ADCYAP1R1: variants seen among roughly 807,000 people sequenced by gnomAD.
The protein encoded by ADCYAP1R1 is ADCYAP receptor type I.
ADCYAP1R1 carries 44 observed loss-of-function variants against 67.6 expected under a neutral mutation model. The ratio of observed to expected loss-of-function variants is 0.65; its 90% CI spans 0.51 to 0.84. ADCYAP1R1 has a LOEUF of 0.84. ADCYAP1R1 is among the 40% of genes least tolerant of loss of function. ADCYAP1R1 has a pLI of 0.00. For missense variants in ADCYAP1R1, 477 were observed against 587.9 expected (o/e 0.81, Z 1.95); for synonymous variants, 222 against 219.6 (o/e 1.01, Z -0.10).
At chr7:31,063,805 G>T (rs957780051) in intron 2 of ADCYAP1R1, among the ~76,000 whole-genome samples, 2 of 152,232 alleles carry the variant, frequency 1.3e-5, no homozygotes. Flanking sequence ...GCTGTCCTCA[G>T]AACCCTGGGT....
chr7:31,088,572 A>G (rs896641125), intron 12 of ADCYAP1R1, among the ~76,000 whole-genome samples: 4 of 152,198 alleles, frequency 2.6e-5, no homozygotes, highest in Non-Finnish European at 4.4e-5. Context: ...ATGATATTCA[A>G]TTTTATCTAA....
At chr7:31,057,035 C>A (rs1794276012) in intron 1 of ADCYAP1R1, 1 of 152,248 alleles carries the variant, frequency 6.6e-6, no homozygotes, top group Non-Finnish European at 1.5e-5. Context: ...TGAAGCTTAA[C>A]CAGCGTCTGC....
intron 8 of ADCYAP1R1, among the ~76,000 whole-genome samples, chr7:31,085,036 C>T (rs1795678614): frequency 6.6e-6 from 1 of 152,222 alleles, no homozygotes; most frequent in South Asian, 2.1e-4. Context: ...CAGGCAGAGC[C>T]TGGGCAGGAG....
In ADCYAP1R1 at chr7:31,096,800, G is replaced by A. The variant is rs558602151; in HGVS notation, c.1046+4065G>A. 2.0e-5 allele frequency among the ~76,000 whole-genome samples: 3 copies of A among 152,082 alleles called. No individual in the cohort carries two copies. In the East Asian group the frequency reaches 5.8e-4, roughly 30 times the overall value. ...GGGGTGCACAGCATCTTAGCATCAGGAGAGACCCTATGGAGTGTGTTCAGC... is the reference window on the plus strand; with the variant it reads ...GGGGTGCACAGCATCTTAGCATCAGAAGAGACCCTATGGAGTGTGTTCAGC... On this transcript the variant is annotated intron_variant, in intron 13 of 15. Transcript: ENST00000304166.
chr7:31,077,774 A>AGT (rs1187367937), intron 3 of ADCYAP1R1, among the ~76,000 whole-genome samples: 6 of 112,440 alleles, frequency 5.3e-5, no homozygotes, highest in African/African-American at 1.1e-4. Context: ...ATGTATGTGT[A>AGT]GTGTGTGTGT....
At chr7:31,095,367 A>G (rs1248476105) in intron 13 of ADCYAP1R1, among the ~76,000 whole-genome samples, 1 of 152,176 alleles carries the variant, frequency 6.6e-6, no homozygotes, top group African/African-American at 2.4e-5. Flanking sequence ...AAAAGATAGC[A>G]TTAAACAAGT....
At position 31,109,679 on chromosome 7, in the gene ADCYAP1R1, T is replaced by G. The variant is rs1326539755; in HGVS notation, c.*2995T>G. ...TGGGATGAAGAAATTTCTCTTTCCC[T>G]GTCATGAGTGTCCAGCCAGGGAGCA... On this transcript the variant is annotated 3_prime_UTR_variant, in exon 16 of 16. Coordinates refer to ENST00000304166, the MANE Select transcript of ADCYAP1R1 (RefSeq NM_001118.5). 6.6e-6 allele frequency: 1 copy of G among 152,240 alleles called. No individual in the cohort carries two copies. The highest frequency in any genetic ancestry group is 1.5e-5 in the Non-Finnish European group (1 of 68,048). 9.4% of individuals were successfully genotyped at this position (152,240 alleles called of 1,614,324 possible).
At chr7:31,097,401 C>T (rs1012957760) in intron 13 of ADCYAP1R1, among the ~76,000 whole-genome samples, 1 of 152,178 alleles carries the variant, frequency 6.6e-6, no homozygotes, top group African/African-American at 2.4e-5. Flanking sequence ...TTTCTCCCAC[C>T]GTGTCTCTGG....
chr7:31,085,488 C>T (rs761946962), intron 9 of ADCYAP1R1, 46 bp downstream of exon 9: 17 of 1,574,822 alleles, frequency 1.1e-5, no homozygotes, highest in East Asian at 9.0e-5. Flanking sequence ...GGGAAGGTCC[C>T]GCACCATCCC....
intron 6 of ADCYAP1R1, among the ~76,000 whole-genome samples, chr7:31,082,871 A>G (rs1224063590): frequency 1.3e-5 from 2 of 152,228 alleles, no homozygotes; most frequent in Non-Finnish European, 2.9e-5. Flanking sequence ...CAGGAAGTTC[A>G]TTTCTGACTT....
intron 6 of ADCYAP1R1, among the ~76,000 whole-genome samples, chr7:31,081,976 T>C (rs1377110823): frequency 1.3e-5 from 2 of 152,152 alleles, no homozygotes; most frequent in Non-Finnish European, 2.9e-5. Flanking sequence ...ACAGATGTCT[T>C]AGAGTCCCTT....
intron 7 of ADCYAP1R1, 92 bp downstream of exon 7, chr7:31,084,342 C>A (rs1294866426): frequency 2.9e-6 from 3 of 1,022,546 alleles, no homozygotes; most frequent in African/African-American, 3.1e-5. Context: ...CCTGCTGGGG[C>A]TGAGAAGCAA....
In ADCYAP1R1 at chr7:31,107,808, A is replaced by G. The variant is rs1796708437; in HGVS notation, c.*1124A>G. 6.6e-6 allele frequency: 1 copy of G among 152,190 alleles called. No individual in the cohort carries two copies. The highest frequency in any genetic ancestry group is 2.1e-4 in the South Asian group (1 of 4,828). 9.4% of individuals were successfully genotyped at this position (152,190 alleles called of 1,614,324 possible). ...ACTCAACTATTGAAATCTCTCTGAGACCTCTGCAAAGATGTCCCTTTTATG... is the reference window on the plus strand; with the variant it reads ...ACTCAACTATTGAAATCTCTCTGAGGCCTCTGCAAAGATGTCCCTTTTATG... On this transcript the variant is annotated 3_prime_UTR_variant, in exon 16 of 16. Coordinates refer to ENST00000304166, the MANE Select transcript of ADCYAP1R1 (RefSeq NM_001118.5).
chr7:31,064,840 A>T lies in ADCYAP1R1; in HGVS notation c.61A>T (p.Met21Leu), dbSNP rs747320072. 3.7e-6 allele frequency: 6 copies of T among 1,611,600 alleles called. No individual in the cohort carries two copies. In the Admixed American group the frequency reaches 5.0e-5, roughly 13 times the overall value. The change falls in exon 3 of 16, where the codon ATG (methionine) becomes TTG (leucine). Residue 21 changes from methionine (M) to leucine (L), a missense_variant. By Grantham distance (15) the Met-to-Leu change is conservative. Transcript: ENST00000304166. ...CTGTGTTCTCCTACAGGCCCCTGCC[A>T]TGCATTCTGACTGCATCTTCAAGAA... ...ALLLLPMAPAMHSDCIFKKEQ... is the reference protein window; with the variant it reads ...ALLLLPMAPALHSDCIFKKEQ...
Position 31,107,028 on chromosome 7 carries a change from T to C in ADCYAP1R1, c.*344T>C, listed in dbSNP as rs769325628. 3.9e-6 allele frequency: 1 copy of C among 257,442 alleles called. No homozygotes were observed. Among genetic ancestry groups the C allele is most frequent in the Non-Finnish European group, 7.3e-6 (1 of 137,096 alleles). The allele number at this position is 257,442 out of a possible 1,614,324, so 15.9% of individuals were successfully genotyped here. A position where few individuals can be genotyped will look rare whatever the true frequency, so the allele number is the denominator to read the frequency against. On this transcript the variant is annotated 3_prime_UTR_variant, in exon 16 of 16. Transcript: ENST00000304166. ...ACTGTTTCTTGGTCAGCCTCAGTGA[T>C]GGCCTGACCCCAGCTGTGAGGCCTT...
chr7:31,095,478 G>A (rs1796148538), intron 13 of ADCYAP1R1, among the ~76,000 whole-genome samples: 1 of 152,126 alleles, frequency 6.6e-6, no homozygotes, highest in Admixed American at 6.5e-5. Context: ...GCTTTGAGCT[G>A]GGAGGTGTCT....
chr7:31,106,905 A>C lies in ADCYAP1R1; in HGVS notation c.*221A>C, dbSNP rs1796672795. ...GTGGTCCCCTGGGCCCTGACCCCAG[A>C]CATGTAAATACTCCTCAAATTTGGA... On this transcript the variant is annotated 3_prime_UTR_variant, in exon 16 of 16. Transcript: ENST00000304166. The C allele has an allele frequency of 1.9e-6, 1 of 532,352 alleles. No homozygotes were observed. Among genetic ancestry groups the C allele is most frequent in the East Asian group, 3.4e-5 (1 of 29,706 alleles). The allele number at this position is 532,352 out of a possible 1,614,324, so 33.0% of individuals were successfully genotyped here.
chr7:31,106,298 C>T (rs1332464595), intron 15 of ADCYAP1R1, among the ~76,000 whole-genome samples, 198 bp from the exon 16 acceptor site: 1 of 152,206 alleles, frequency 6.6e-6, no homozygotes, highest in Non-Finnish European at 1.5e-5. Context: ...CTGTTCCGGT[C>T]AGCTCCTCAG....
chr7:31,061,471 C>T (rs1171992238), intron 1 of ADCYAP1R1, among the ~76,000 whole-genome samples: 3 of 152,100 alleles, frequency 2.0e-5, no homozygotes, highest in African/African-American at 4.8e-5. Flanking sequence ...AGCCTGAGTG[C>T]CTGGTAGAGA....
Sources: gnomAD v4.1 joint callset for allele counts (sites outside exome capture counted in the v4.1 genomes callset) on GRCh38, gnomAD v4.1.1 for gene constraint, MANE v1.5 for transcripts, NCBI Gene and HGNC (gene_info 2026-07-23, HGNC 2026-07-21) for gene names.